SLC4A4: variants seen among roughly 807,000 people sequenced by gnomAD.
The protein encoded by SLC4A4 is electrogenic sodium bicarbonate cotransporter 1.
Under a neutral mutation model 111.5 loss-of-function variants are expected in SLC4A4, and 27 were observed. The observed-to-expected ratio is 0.24, with a 90% CI of 0.18 to 0.33. The LOEUF (loss-of-function observed/expected upper bound fraction) is 0.33, where lower values mean the gene tolerates loss of function less well. SLC4A4 is among the 10% of genes least tolerant of loss of function. The pLI, the probability that SLC4A4 is intolerant of heterozygous loss-of-function variation, is 1.00. For missense variants in SLC4A4, 909 were observed against 1,315.5 expected (o/e 0.69, Z 4.78); for synonymous variants, 443 against 463.4 (o/e 0.96, Z 0.57).
At chr4:71,235,727 A>T (rs988725807) in intron 1 of SLC4A4, among the ~76,000 whole-genome samples, 12 of 152,192 alleles carry the variant, frequency 7.9e-5, no homozygotes, top group African/African-American at 2.7e-4. Flanking sequence ...CCTTGGATGG[A>T]TTCTGAGGTC....
intron 2 of SLC4A4, among the ~76,000 whole-genome samples, chr4:71,242,469 A>G (rs1379441627): frequency 6.6e-6 from 1 of 152,184 alleles, no homozygotes; most frequent in Non-Finnish European, 1.5e-5. Context: ...AGGTGAAGGA[A>G]GCAACTTATA....
intron 3 of SLC4A4, among the ~76,000 whole-genome samples, chr4:71,287,488 G>T (rs1724011762): frequency 6.6e-6 from 1 of 152,124 alleles, no homozygotes; most frequent in African/African-American, 2.4e-5. Context: ...TCGTTTATGG[G>T]CTTATTTTTC....
chr4:71,413,923 C>A (rs1050062649), intron 7 of SLC4A4, among the ~76,000 whole-genome samples: 28 of 152,100 alleles, frequency 1.8e-4, no homozygotes, highest in Admixed American at 1.1e-3. Flanking sequence ...GCCCAAATTT[C>A]CCATTTCTTG....
At chr4:71,319,083 T>C (rs1394939505) in intron 3 of SLC4A4, among the ~76,000 whole-genome samples, 3 of 151,992 alleles carry the variant, frequency 2.0e-5, no homozygotes, top group Non-Finnish European at 2.9e-5. Flanking sequence ...GTCAGATTAC[T>C]ACTTAAAGAG....
chr4:71,479,106 AT>A (rs1212367225), intron 14 of SLC4A4, among the ~76,000 whole-genome samples: 1 of 151,764 alleles, frequency 6.6e-6, no homozygotes, highest in Admixed American at 6.6e-5. Flanking sequence ...TAGACACTAT[AT>A]TGTTAACAAA....
intron 7 of SLC4A4, among the ~76,000 whole-genome samples, chr4:71,399,048 A>G (rs537269095): frequency 6.6e-6 from 1 of 152,292 alleles, no homozygotes; most frequent in Non-Finnish European, 1.5e-5. Context: ...CATCATAGCA[A>G]CTGTTTACAT....
At chr4:71,143,363 G>T (rs370692024) in intron 2 of SLC4A4, among the ~76,000 whole-genome samples, 1 of 152,114 alleles carries the variant, frequency 6.6e-6, no homozygotes, top group Non-Finnish European at 1.5e-5. Flanking sequence ...GGACATTTGG[G>T]TTGGTTCCAA....
intron 3 of SLC4A4, among the ~76,000 whole-genome samples, chr4:71,327,584 C>T (rs931214575): frequency 6.6e-6 from 1 of 151,992 alleles, no homozygotes; most frequent in Non-Finnish European, 1.5e-5. Context: ...AAACATTTAA[C>T]ACATTTCCTG....
chr4:71,381,124 G>A (rs141295046), intron 6 of SLC4A4, among the ~76,000 whole-genome samples: 78 of 152,270 alleles, frequency 5.1e-4, no homozygotes, highest in African/African-American at 1.7e-3. Flanking sequence ...GTTACAAATC[G>A]AAGTGCAGTC....
At position 71,167,350 on chromosome 4, in the gene SLC4A4, T is replaced by C. The variant is rs59546569; in HGVS notation, c.-1-69226T>C. Among the ~76,000 whole-genome samples, 807 of 152,234 alleles carry C rather than the reference T, an allele frequency of 5.3e-3. 9 individuals are homozygous for C. Among genetic ancestry groups the C allele is most frequent in the African/African-American group, 0.019 (772 of 41,542 alleles). On this transcript the variant is annotated intron_variant, in intron 2 of 26. Coordinates refer to the SLC4A4 transcript ENST00000649996. Reference sequence around the variant, plus strand: ...AGCATGGCTATTCTGGCAAACAAAGTAGTAGCTGCATCATCTATGCCACAT... The same window carrying C: ...AGCATGGCTATTCTGGCAAACAAAGCAGTAGCTGCATCATCTATGCCACAT...
chr4:71,231,236 G>A (rs1274903669), intron 1 of SLC4A4, among the ~76,000 whole-genome samples: 1 of 152,230 alleles, frequency 6.6e-6, no homozygotes, highest in African/African-American at 2.4e-5. Flanking sequence ...CGTGCTGACT[G>A]GCTGAGTGGC....
At chr4:71,101,559 C>A (rs965890289) in intron 2 of SLC4A4, among the ~76,000 whole-genome samples, 44 of 152,198 alleles carry the variant, frequency 2.9e-4, no homozygotes, top group African/African-American at 9.9e-4. Context: ...TTTCCCAGCA[C>A]ACAGCTGGAG....
chr4:71,465,248 T>G (rs1230183266), intron 12 of SLC4A4, among the ~76,000 whole-genome samples: 2 of 152,120 alleles, frequency 1.3e-5, no homozygotes, highest in African/African-American at 4.8e-5. Flanking sequence ...TTTGCTCCAC[T>G]GTTTTATCTA....
intron 2 of SLC4A4, among the ~76,000 whole-genome samples, chr4:71,122,004 AGGTCTGCAG>A (rs1394854501): frequency 6.6e-6 from 1 of 152,126 alleles, no homozygotes; most frequent in African/African-American, 2.4e-5. Context: ...CTCACTGTGA[AGGTCTGCAG>A]CTTCACTCCT....
At chr4:71,357,270 C>A (rs934750426) in intron 6 of SLC4A4, 83 bp downstream of exon 6, 3 of 1,380,336 alleles carry the variant, frequency 2.2e-6, no homozygotes, top group Admixed American at 3.4e-5. Context: ...TTTGTTTTAA[C>A]CCTTCTCCAT....
intron 3 of SLC4A4, among the ~76,000 whole-genome samples, chr4:71,327,356 T>C (rs973737748): frequency 2.0e-5 from 3 of 152,014 alleles, no homozygotes; most frequent in South Asian, 2.1e-4. Context: ...TTTAATTCTT[T>C]TAAAAAATGA....
intron 2 of SLC4A4, among the ~76,000 whole-genome samples, chr4:71,161,747 A>C: frequency 6.6e-6 from 1 of 152,192 alleles, no homozygotes; most frequent in Non-Finnish European, 1.5e-5. Context: ...AAGATAATTA[A>C]ATGCTGTAGG....
chr4:71,137,727 C>G (rs1743883009), intron 2 of SLC4A4, among the ~76,000 whole-genome samples: 1 of 152,210 alleles, frequency 6.6e-6, no homozygotes, highest in Non-Finnish European at 1.5e-5. Context: ...TCACTGGTTT[C>G]ATCACAGAAA....
At chr4:71,512,520 T>G (rs1732024347) in intron 16 of SLC4A4, among the ~76,000 whole-genome samples, 1 of 152,176 alleles carries the variant, frequency 6.6e-6, no homozygotes, top group African/African-American at 2.4e-5. Context: ...GTTAAGTACC[T>G]TGTATATTCT....
Sources: allele counts gnomAD v4.1 joint callset (sites outside exome capture counted in the v4.1 genomes callset), GRCh38; gene constraint gnomAD v4.1.1; transcripts MANE v1.5; gene names NCBI Gene and HGNC (gene_info 2026-07-23, HGNC 2026-07-21).